ZBTB20: variants seen among roughly 807,000 people sequenced by gnomAD.
ZBTB20 encodes the protein zinc finger and BTB domain-containing protein 20.
ZBTB20 carries 9 observed loss-of-function variants against 56.9 expected under a neutral mutation model. The observed-to-expected ratio is 0.16, with a 90% CI of 0.10 to 0.28. The LOEUF (loss-of-function observed/expected upper bound fraction) is 0.28, where lower values mean the gene tolerates loss of function less well. ZBTB20 is among the 10% of genes least tolerant of loss of function. ZBTB20 has a pLI of 1.00. For missense variants in ZBTB20, 655 were observed against 1,003.0 expected (o/e 0.65, Z 4.69); for synonymous variants, 417 against 420.7 (o/e 0.99, Z 0.11).
At chr3:114,576,751 T>C (rs776434532) in intron 6 of ZBTB20, among the ~76,000 whole-genome samples, 1 of 151,108 alleles carries the variant, frequency 6.6e-6, no homozygotes, top group Non-Finnish European at 1.5e-5. Flanking sequence ...TTCAAATTGC[T>C]AGATTGATAA....
intron 10 of ZBTB20, among the ~76,000 whole-genome samples, chr3:114,358,433 A>C (rs976984476): frequency 1.3e-5 from 2 of 152,200 alleles, no homozygotes; most frequent in Non-Finnish European, 2.9e-5. Flanking sequence ...ACCAAAAAAT[A>C]AGAGCTTTAT....
At chr3:114,802,322 T>G (rs1363761618) in intron 4 of ZBTB20, among the ~76,000 whole-genome samples, 1 of 151,950 alleles carries the variant, frequency 6.6e-6, no homozygotes, top group Non-Finnish European at 1.5e-5. Context: ...GTACTATTAT[T>G]AGAAAGCATA....
At chr3:115,106,470 TG>T (rs2083727760) in intron 1 of ZBTB20, among the ~76,000 whole-genome samples, 1 of 151,738 alleles carries the variant, frequency 6.6e-6, no homozygotes, top group African/African-American at 2.4e-5. Flanking sequence ...CCTGACCTTG[TG>T]TTCCGCCTGC....
At chr3:114,976,681 C>T (rs1479171534) in intron 2 of ZBTB20, among the ~76,000 whole-genome samples, 2 of 151,136 alleles carry the variant, frequency 1.3e-5, no homozygotes, top group African/African-American at 2.4e-5. Context: ...TTAAATAATA[C>T]ATATTTCCTT....
At chr3:114,485,190 G>C (rs1040311664) in intron 7 of ZBTB20, among the ~76,000 whole-genome samples, 1 of 152,180 alleles carries the variant, frequency 6.6e-6, no homozygotes, top group African/African-American at 2.4e-5. Flanking sequence ...GTGGTATGGA[G>C]AAATCTTTTT....
intron 5 of ZBTB20, among the ~76,000 whole-genome samples, chr3:114,731,634 T>C (rs887680459): frequency 1.3e-5 from 2 of 152,204 alleles, no homozygotes; most frequent in Non-Finnish European, 2.9e-5. Flanking sequence ...GTGTGGTCAA[T>C]CAACCAGTTA....
rs1477039804 is a variant in ZBTB20 at position 115,110,086 on chromosome 3, C to G, written c.-703+37133G>C. ...AATTAGCTGGGCATAGTGGCACATACCTGTAATCCCAGCTACTCGGGAGGC... is the reference window on the plus strand; with the variant it reads ...AATTAGCTGGGCATAGTGGCACATAGCTGTAATCCCAGCTACTCGGGAGGC... On this transcript the variant is annotated intron_variant, in intron 1 of 11. Coordinates refer to ENST00000675478, the MANE Select transcript of ZBTB20 (RefSeq NM_001348800.3). Among the ~76,000 whole-genome samples the G allele has an allele frequency of 5.3e-5, 8 of 152,226 alleles. No individual in the cohort carries two copies. The East Asian group carries it at 1.5e-3, about 29-fold the overall frequency.
intron 7 of ZBTB20, among the ~76,000 whole-genome samples, chr3:114,496,843 A>C (rs1465710150): frequency 6.6e-6 from 1 of 152,110 alleles, no homozygotes; most frequent in Non-Finnish European, 1.5e-5. Flanking sequence ...TTATTTAGAA[A>C]CTGTTTCATT....
At chr3:114,991,619 T>A (rs374240162) in intron 2 of ZBTB20, among the ~76,000 whole-genome samples, 1 of 152,126 alleles carries the variant, frequency 6.6e-6, no homozygotes. Context: ...GTCTATTAGG[T>A]CTGCTTGGTG....
intron 6 of ZBTB20, among the ~76,000 whole-genome samples, chr3:114,667,337 A>G (rs958383652): frequency 2.0e-5 from 3 of 152,078 alleles, no homozygotes; most frequent in Non-Finnish European, 4.4e-5. Context: ...CACAAGTGTT[A>G]TTAGACTTAA....
At chr3:114,545,638 A>T (rs2049785208) in intron 6 of ZBTB20, among the ~76,000 whole-genome samples, 1 of 152,200 alleles carries the variant, frequency 6.6e-6, no homozygotes, top group Non-Finnish European at 1.5e-5. Flanking sequence ...TAGGGACACC[A>T]AGGACTTCTC....
At chr3:114,507,089 T>C (rs144880869) in intron 6 of ZBTB20, among the ~76,000 whole-genome samples, 63 of 152,300 alleles carry the variant, frequency 4.1e-4, no homozygotes, top group African/African-American at 1.4e-3. Flanking sequence ...AAGTTAATTT[T>C]AGTGCATTTT....
chr3:114,700,902 A>G (rs1218658186), intron 5 of ZBTB20, among the ~76,000 whole-genome samples: 1 of 152,184 alleles, frequency 6.6e-6, no homozygotes, highest in African/African-American at 2.4e-5. Flanking sequence ...CTGTAGGCTG[A>G]AATGCAGCCC....
At chr3:114,790,527 A>G (rs957667396) in intron 5 of ZBTB20, among the ~76,000 whole-genome samples, 5 of 152,172 alleles carry the variant, frequency 3.3e-5, no homozygotes, top group East Asian at 1.9e-4. Flanking sequence ...CTTCAATAAC[A>G]TGGATGAATC....
intron 6 of ZBTB20, among the ~76,000 whole-genome samples, chr3:114,604,349 G>T (rs2056982436): frequency 6.6e-6 from 1 of 151,882 alleles, no homozygotes; most frequent in South Asian, 2.1e-4. Flanking sequence ...TGCATAAAAA[G>T]ACCACTGGAA....
intron 1 of ZBTB20, among the ~76,000 whole-genome samples, chr3:115,128,713 A>C (rs1291350478): frequency 2.0e-5 from 1 of 50,350 alleles, no homozygotes; most frequent in Non-Finnish European, 3.9e-5. Context: ...AGGGCAGTGG[A>C]GGGGAGGGGA....
intron 5 of ZBTB20, among the ~76,000 whole-genome samples, chr3:114,730,697 A>C (rs2065671545): frequency 6.6e-6 from 1 of 152,158 alleles, no homozygotes. Context: ...ACCTGATGAC[A>C]CCTCAGTATT....
At chr3:114,773,754 G>C (rs1018040512) in intron 5 of ZBTB20, among the ~76,000 whole-genome samples, 1 of 152,146 alleles carries the variant, frequency 6.6e-6, no homozygotes, top group Non-Finnish European at 1.5e-5. Context: ...GAGAAAGAAA[G>C]TCCAGGCAAA....
In ZBTB20 at chr3:114,325,156, AT is replaced by A. The variant is rs1393058534; in HGVS notation, c.*13848del. On this transcript the variant is annotated 3_prime_UTR_variant, in exon 12 of 12. Coordinates refer to ENST00000675478, the MANE Select transcript of ZBTB20 (RefSeq NM_001348800.3). ...AACAATTTTAATTAGATATATGCAA[AT>A]TACCCTTAATTTATATCTCAATAGG... 1 of 152,152 alleles carries A rather than the reference AT, an allele frequency of 6.6e-6. No homozygotes were observed. The highest frequency in any genetic ancestry group is 1.5e-5 in the Non-Finnish European group (1 of 68,024). 9.4% of individuals were successfully genotyped at this position (152,152 alleles called of 1,614,324 possible).
Sources: gnomAD v4.1 joint callset for allele counts (sites outside exome capture counted in the v4.1 genomes callset) on GRCh38, gnomAD v4.1.1 for gene constraint, MANE v1.5 for transcripts, NCBI Gene and HGNC (gene_info 2026-07-23, HGNC 2026-07-21) for gene names.